ALMS1: variants seen among roughly 807,000 people sequenced by gnomAD.
ALMS1 encodes the protein ALMS1 centrosome and basal body associated protein.
ALMS1 carries 271 observed loss-of-function variants against 352.2 expected under a neutral mutation model. That is an observed-to-expected ratio of 0.77 (90% confidence interval 0.70 to 0.85). ALMS1 has a LOEUF of 0.85. Ranked by LOEUF, ALMS1 falls within the 40% of genes least tolerant of loss-of-function variation. The probability of loss-of-function intolerance (pLI) is 0.00; values close to 1 mark genes in which losing one functional copy is unlikely to be tolerated. For missense variants in ALMS1, 5,445 were observed against 4,870.7 expected, an observed-to-expected ratio of 1.12 and a Z score of -3.51; for synonymous variants, 1,865 against 1,761.2, an observed-to-expected ratio of 1.06 and a Z score of -1.48.
rs755762723 is a variant in ALMS1, at chr2:73,424,424, T to A, written c.765-6T>A. On this transcript the variant is annotated splice_polypyrimidine_tract_variant and splice_region_variant and intron_variant, in intron 4 of 22. Coordinates refer to ENST00000613296, the MANE Select transcript of ALMS1 (RefSeq NM_001378454.1). The stretch of plus-strand genomic sequence containing the variant: ...TATTTATTTATTTTTAACTATATAT[T>A]TTCAGGGGAATTCCTGATAAGTCTG... 13 of 1,531,516 alleles carry A rather than the reference T, an allele frequency of 8.5e-6. No individual in the cohort carries two copies. Among genetic ancestry groups the A allele is most frequent in the Non-Finnish European group, 1.1e-5 (13 of 1,136,720 alleles). The allele number at this position is 1,531,516 out of a possible 1,614,324, so 94.9% of individuals were successfully genotyped here.
At chr2:73,443,389 T>A (rs1316382206) in intron 7 of ALMS1, among the ~76,000 whole-genome samples, 1 of 152,204 alleles carries the variant, frequency 6.6e-6, no homozygotes, top group African/African-American at 2.4e-5. Flanking sequence ...ATTTTTTATA[T>A]GCCCATCTTT....
intron 16 of ALMS1, among the ~76,000 whole-genome samples, chr2:73,580,281 TC>T (rs1464715412): frequency 1.3e-5 from 2 of 152,196 alleles, no homozygotes; most frequent in African/African-American, 4.8e-5. Context: ...GTACGTAATT[TC>T]ATTTCACCTA....
intron 15 of ALMS1, 107 bp from the exon 16 acceptor site, chr2:73,572,155 A>G (rs1674941974): frequency 8.2e-6 from 8 of 979,116 alleles, no homozygotes; most frequent in South Asian, 3.5e-5. Context: ...TATATAAACT[A>G]TTCTTTCCTT....
intron 4 of ALMS1, among the ~76,000 whole-genome samples, chr2:73,423,928 C>T (rs1024297171): frequency 7.9e-5 from 12 of 152,084 alleles, no homozygotes; most frequent in Non-Finnish European, 1.5e-5. Flanking sequence ...CAGGCATGTG[C>T]CACCATGCCC....
At chr2:73,390,801 G>A (rs1263043735) in intron 1 of ALMS1, among the ~76,000 whole-genome samples, 3 of 150,480 alleles carry the variant, frequency 2.0e-5, no homozygotes, top group African/African-American at 4.9e-5. Context: ...GGAGTCTCTC[G>A]CTTTTGTCAC....
At chr2:73,541,011 A>C (rs770065206) in intron 12 of ALMS1, among the ~76,000 whole-genome samples, 1 of 152,170 alleles carries the variant, frequency 6.6e-6, no homozygotes, top group Non-Finnish European at 1.5e-5. Flanking sequence ...TCAGCTCTGC[A>C]TGAAGCAGAC....
intron 7 of ALMS1, among the ~76,000 whole-genome samples, chr2:73,438,589 C>A (rs1261226160): frequency 1.3e-5 from 2 of 152,062 alleles, no homozygotes. Context: ...ATAGGAAATA[C>A]AAATTTGGAA....
chr2:73,485,939 C>T (rs571633703), intron 9 of ALMS1, among the ~76,000 whole-genome samples: 11 of 151,888 alleles, frequency 7.2e-5, no homozygotes, highest in East Asian at 1.9e-4. Flanking sequence ...GTCTCGCACA[C>T]GGTGCGCGCA....
intron 13 of ALMS1, among the ~76,000 whole-genome samples, chr2:73,552,826 A>G (rs1320068857): frequency 6.6e-6 from 1 of 152,222 alleles, no homozygotes; most frequent in Non-Finnish European, 1.5e-5. Context: ...ATATCATATC[A>G]TAAGTAAAAT....
intron 10 of ALMS1, among the ~76,000 whole-genome samples, chr2:73,492,596 T>C (rs1026593490): frequency 2.6e-5 from 4 of 152,168 alleles, no homozygotes; most frequent in South Asian, 2.1e-4. Flanking sequence ...GGCACTCATA[T>C]GTAGAAGGAA....
In ALMS1 at chr2:73,468,617, C is replaced by A. The variant is rs563994098; in HGVS notation, c.7674+13322C>A. Among the ~76,000 whole-genome samples the A allele has an allele frequency of 1.6e-3, 239 of 152,090 alleles. 3 individuals carry two copies. The highest frequency in any genetic ancestry group is 5.0e-3 in the African/African-American group (207 of 41,534). On this transcript the variant is annotated intron_variant, in intron 9 of 22. Transcript: ENST00000613296. ...CATATGATTTTGATTACTCTGAGTA[C>A]TTCCTATAAATGGAATAATACAATA...
At position 73,450,794 on chromosome 2, in the gene ALMS1, A is replaced by T. The variant is rs746145270; in HGVS notation, c.4267A>T (p.Thr1423Ser). ...GPGDRKTGIP[T>S]LPSTFYSHTE... ...AGGTGACCGGAAGACTGGGATACCA[A>T]CTTTACCCTCTACTTTCTACTCACA... is the stretch of plus-strand genomic sequence containing the variant. Residue 1423 changes from threonine (T) to serine (S), a missense_variant, in exon 8 of 23, where the codon ACT becomes TCT. Transcript: ENST00000613296. The T allele has an allele frequency of 1.4e-5, 23 of 1,612,638 alleles. No homozygotes were observed. In the Admixed American group the frequency reaches 3.8e-4, roughly 27 times the overall value.
chr2:73,413,335 T>C (rs916832391), intron 2 of ALMS1, among the ~76,000 whole-genome samples: 1 of 152,216 alleles, frequency 6.6e-6, no homozygotes, highest in Non-Finnish European at 1.5e-5. Context: ...TGATTTTTTT[T>C]CCTTTTTTGG....
intron 1 of ALMS1, among the ~76,000 whole-genome samples, chr2:73,398,080 G>A (rs1191375723): frequency 1.3e-5 from 2 of 152,128 alleles, no homozygotes; most frequent in African/African-American, 4.8e-5. Flanking sequence ...TTTCTCCTAT[G>A]TTATCTTCTA....
intron 12 of ALMS1, among the ~76,000 whole-genome samples, chr2:73,549,506 A>C (rs1395832796): frequency 2.6e-5 from 4 of 152,198 alleles, no homozygotes; most frequent in African/African-American, 9.6e-5. Flanking sequence ...CACTGTCCTT[A>C]ATGTATTCTG....
At chr2:73,601,702 T>C (rs2104197900) in intron 19 of ALMS1, among the ~76,000 whole-genome samples, 1 of 152,360 alleles carries the variant, frequency 6.6e-6, no homozygotes, top group East Asian at 1.9e-4. Context: ...CTCTGCTTAT[T>C]GGGCCTGTGG....
intron 11 of ALMS1, among the ~76,000 whole-genome samples, chr2:73,531,591 C>T (rs1673914110): frequency 6.6e-6 from 1 of 152,222 alleles, no homozygotes; most frequent in Admixed American, 6.5e-5. Flanking sequence ...TGCCTGTTAC[C>T]CAGTTCCCAA....
chr2:73,414,731 C>T (rs546068703), intron 2 of ALMS1, among the ~76,000 whole-genome samples: 132 of 151,918 alleles, frequency 8.7e-4, no homozygotes, highest in African/African-American at 3.1e-3. Flanking sequence ...TTTTTCTACT[C>T]ATCTGGCTGT....
intron 15 of ALMS1, among the ~76,000 whole-genome samples, chr2:73,563,870 A>C (rs1674722227): frequency 6.6e-6 from 1 of 152,138 alleles, no homozygotes; most frequent in Non-Finnish European, 1.5e-5. Context: ...TAAAACAGAC[A>C]ACCCTAGGAA....
Sources: allele counts gnomAD v4.1 joint callset (sites outside exome capture counted in the v4.1 genomes callset), GRCh38; gene constraint gnomAD v4.1.1; transcripts MANE v1.5; gene names NCBI Gene and HGNC (gene_info 2026-07-23, HGNC 2026-07-21).